The following ZSWIM7 variants were observed in gnomAD, a reference collection of about 807,000 sequenced individuals.
The protein encoded by ZSWIM7 is zinc finger SWIM domain-containing protein 7.
ZSWIM7 carries 22 observed loss-of-function variants against 21.1 expected under a neutral mutation model. The observed-to-expected ratio is 1.04, with a 90% CI of 0.74 to 1.49. The LOEUF (loss-of-function observed/expected upper bound fraction) is 1.49. Among genes scored for constraint, ZSWIM7 ranks in the 40% most tolerant of loss-of-function variants. The probability of loss-of-function intolerance (pLI) is 0.00; values close to 1 mark genes in which losing one functional copy is unlikely to be tolerated. For synonymous variants in ZSWIM7, 67 were observed against 66.5 expected (o/e 1.01, Z -0.04); for missense variants, 193 against 168.0 (o/e 1.15, Z -0.82).
rs1043100409 is a variant in ZSWIM7 at position 15,999,661 on chromosome 17, T to A, written c.-67A>T. Reference sequence around the variant, plus strand: ...GACGCTCCAGCTGACTGCGCCTACCTGTGGAGGATCCTGACCCCCCGCCGG... The same window carrying A: ...GACGCTCCAGCTGACTGCGCCTACCAGTGGAGGATCCTGACCCCCCGCCGG... On this transcript the variant is annotated 5_prime_UTR_variant, in exon 1 of 5. Coordinates refer to ENST00000399277, the MANE Select transcript of ZSWIM7 (RefSeq NM_001042697.2). The A allele has an allele frequency of 6.4e-7, 1 of 1,563,048 alleles. No homozygotes were observed. The highest frequency in any genetic ancestry group is 1.2e-5 in the South Asian group (1 of 85,402).
chr17:15,982,364 G>A (rs1345086371), intron 3 of ZSWIM7, among the ~76,000 whole-genome samples: 1 of 152,126 alleles, frequency 6.6e-6, no homozygotes, highest in East Asian at 1.9e-4. Context: ...ATGTCCTGAG[G>A]GTGATTTTAT....
intron 4 of ZSWIM7, among the ~76,000 whole-genome samples, chr17:15,978,563 A>G (rs1017669654): frequency 6.6e-6 from 1 of 152,252 alleles, no homozygotes; most frequent in African/African-American, 2.4e-5. Flanking sequence ...ACGCCACTGC[A>G]CTACAGCCTG....
At chr17:15,999,299 A>G (rs1476716729) in intron 1 of ZSWIM7, 1 of 671,570 alleles carries the variant, frequency 1.5e-6, no homozygotes, top group Non-Finnish European at 2.6e-6. Flanking sequence ...ACTGCGCTGT[A>G]CCGTAAATAT....
rs1393791990 is a variant in ZSWIM7 at position 15,977,003 on chromosome 17, T to C, written c.*1044A>G. The C allele has an allele frequency of 6.6e-6, 1 of 152,198 alleles. No homozygotes were observed. The highest frequency in any genetic ancestry group is 1.5e-5 in the Non-Finnish European group (1 of 68,034). 9.4% of individuals were successfully genotyped at this position (152,198 alleles called of 1,614,324 possible). On this transcript the variant is annotated 3_prime_UTR_variant, in exon 5 of 5. Coordinates refer to ENST00000399277, the MANE Select transcript of ZSWIM7 (RefSeq NM_001042697.2). ...CTTCTAATACTCCTTCTGTCATCTA[T>C]TTTGTCTTTTCTTCTTCAGACTGAA... is the stretch of plus-strand genomic sequence containing the variant.
chr17:15,984,383 C>T (rs191843333), intron 3 of ZSWIM7, among the ~76,000 whole-genome samples: 12 of 152,248 alleles, frequency 7.9e-5, no homozygotes, highest in African/African-American at 2.6e-4. Flanking sequence ...CTAGTTTTCC[C>T]GCTTATAGTC....
At chr17:15,991,804 A>G (rs536532617) in intron 2 of ZSWIM7, among the ~76,000 whole-genome samples, 1 of 152,236 alleles carries the variant, frequency 6.6e-6, no homozygotes, top group African/African-American at 2.4e-5. Context: ...TTTTTTAGAG[A>G]CAAGGTCTCA....
rs964208193 is a variant in ZSWIM7 at position 15,980,044 on chromosome 17, C to A, written c.306+996G>T. On this transcript the variant is annotated intron_variant, in intron 4 of 4. Transcript: ENST00000399277. ...CTGGCCGGGCGGGGGGCTGACCCCC[C>A]CACCTCCCTCCCGGACGGGGCGGCT... 2.7e-5 allele frequency among the ~76,000 whole-genome samples: 4 copies of A among 148,440 alleles called. No individual in the cohort carries two copies. In the South Asian group the frequency reaches 8.5e-4, roughly 32 times the overall value.
At chr17:15,999,424 G>C in intron 1 of ZSWIM7, 95 bp downstream of exon 1, 1 of 1,464,888 alleles carries the variant, frequency 6.8e-7, no homozygotes, top group South Asian at 1.2e-5. Flanking sequence ...GGCAGGGCCA[G>C]GCCCGGACAC....
intron 2 of ZSWIM7, 65 bp from the exon 3 acceptor site, chr17:15,987,433 A>G: frequency 7.6e-7 from 1 of 1,317,546 alleles, no homozygotes; most frequent in Non-Finnish European, 1.1e-6. Context: ...TAACTTGCCC[A>G]AAGGATCACT....
chr17:15,983,272 G>A (rs1213173025), intron 3 of ZSWIM7, among the ~76,000 whole-genome samples: 1 of 142,940 alleles, frequency 7.0e-6, no homozygotes, highest in African/African-American at 2.6e-5. Flanking sequence ...TTGAACCCGG[G>A]AGACAGAGGT....
At chr17:15,993,808 AATCAT>A in intron 1 of ZSWIM7, 30 bp from the exon 2 acceptor site, 2 of 1,490,140 alleles carry the variant, frequency 1.3e-6, no homozygotes, top group Non-Finnish European at 1.9e-6. Context: ...AAAAAAAGTT[AATCAT>A]ATTAAGCAGT....
rs1970299503 is a variant in ZSWIM7 at position 15,977,978 on chromosome 17, A to G, written c.*69T>C. 1 of 1,261,840 alleles carries G rather than the reference A, an allele frequency of 7.9e-7. No homozygotes were observed. The highest frequency in any genetic ancestry group is 1.2e-5 in the South Asian group (1 of 82,658). The allele number at this position is 1,261,840 out of a possible 1,614,324, so 78.2% of individuals were successfully genotyped here. A position where few individuals can be genotyped will look rare whatever the true frequency, so the allele number is the denominator to read the frequency against. The stretch of plus-strand genomic sequence containing the variant: ...TCCATTTCACCTCTTTTCCATGTGA[A>G]TCATGACGCTTTCAATGCATTTCTT... On this transcript the variant is annotated 3_prime_UTR_variant, in exon 5 of 5. Coordinates refer to ENST00000399277, the MANE Select transcript of ZSWIM7 (RefSeq NM_001042697.2).
At position 15,996,887 on chromosome 17, in the gene ZSWIM7, G is replaced by A. The variant is rs571787737; in HGVS notation, c.76+2632C>T. Among the ~76,000 whole-genome samples, 11 of 151,742 alleles carry A rather than the reference G, an allele frequency of 7.2e-5. No individual in the cohort carries two copies. The Middle Eastern group carries it at 0.024, about 331-fold the overall frequency. On this transcript the variant is annotated intron_variant, in intron 1 of 4. Coordinates refer to ENST00000399277, the MANE Select transcript of ZSWIM7 (RefSeq NM_001042697.2). ...AAAAAATTTTACATGGGCCGGGTGC[G>A]GTGGCTCATGCCTGTAATCCTGGCA... is the stretch of plus-strand genomic sequence containing the variant.
chr17:15,994,089 C>T (rs759831452), intron 1 of ZSWIM7, among the ~76,000 whole-genome samples: 1 of 152,166 alleles, frequency 6.6e-6, no homozygotes, highest in Non-Finnish European at 1.5e-5. Context: ...GCTGGGACTA[C>T]AGGCATGCAC....
chr17:15,988,892 C>T (rs1243897372), intron 2 of ZSWIM7, among the ~76,000 whole-genome samples: 6 of 152,010 alleles, frequency 3.9e-5, no homozygotes, highest in African/African-American at 9.7e-5. Context: ...TGGTGGCACA[C>T]GCCTGTAGTC....
intron 1 of ZSWIM7, among the ~76,000 whole-genome samples, chr17:15,996,028 C>T (rs1970549854): frequency 6.6e-6 from 1 of 151,994 alleles, no homozygotes; most frequent in African/African-American, 2.4e-5. Context: ...ATATTATTTC[C>T]AACAAATAAT....
intron 2 of ZSWIM7, among the ~76,000 whole-genome samples, chr17:15,991,710 GGC>G (rs1970483814): frequency 6.6e-6 from 1 of 152,036 alleles, no homozygotes; most frequent in South Asian, 2.1e-4. Flanking sequence ...TAAAGGTTAA[GGC>G]CGTTCCCTCA....
At chr17:15,990,438 C>T (rs1970468554) in intron 2 of ZSWIM7, among the ~76,000 whole-genome samples, 1 of 151,846 alleles carries the variant, frequency 6.6e-6, no homozygotes, top group Non-Finnish European at 1.5e-5. Context: ...CTCCACCTCC[C>T]AGATTCAAGT....
rs1270081650 is a variant in ZSWIM7, at chr17:15,976,806, G to A, written c.*1241C>T. On this transcript the variant is annotated 3_prime_UTR_variant, in exon 5 of 5. Coordinates refer to ENST00000399277, the MANE Select transcript of ZSWIM7 (RefSeq NM_001042697.2). The stretch of plus-strand genomic sequence containing the variant: ...CAGTATCCCTGCAACAATATTACAT[G>A]CTTATGAAATGCTGCAGACAGGGAA... The A allele has an allele frequency of 6.6e-6, 1 of 152,204 alleles. No individual in the cohort carries two copies. The highest frequency in any genetic ancestry group is 1.5e-5 in the Non-Finnish European group (1 of 68,042). 9.4% of individuals were successfully genotyped at this position (152,204 alleles called of 1,614,324 possible).
Sources: allele counts gnomAD v4.1 joint callset (sites outside exome capture counted in the v4.1 genomes callset), GRCh38; gene constraint gnomAD v4.1.1; transcripts MANE v1.5; gene names NCBI Gene and HGNC (gene_info 2026-07-23, HGNC 2026-07-21).